CEP290: variants seen among roughly 807,000 people sequenced by gnomAD.
The protein encoded by CEP290 is centrosomal protein of 290 kDa.
A neutral mutation model predicts 344.9 loss-of-function variants in CEP290; 317 were observed. The observed-to-expected ratio is 0.92, with a 90% CI of 0.84 to 1.01. The LOEUF is 1.01. CEP290 is among the 50% of genes least tolerant of loss of function. The pLI is 0.00. For missense variants in CEP290, 2,754 were observed against 2,761.4 expected (o/e 1.00, Z 0.06); for synonymous variants, 932 against 895.8 (o/e 1.04, Z -0.72).
Position 88,092,746 on chromosome 12 carries a change from A to C in CEP290, c.3396T>G (p.Asp1132Glu). The C allele has an allele frequency of 6.2e-7, 1 of 1,610,180 alleles. No homozygotes were observed. The highest frequency in any genetic ancestry group is 1.1e-5 in the South Asian group (1 of 90,290). The change falls in exon 29 of 54, where the codon GAT (aspartate) becomes GAG (glutamate). Residue 1132 changes from aspartate to glutamate, a missense_variant. Asp to Glu is a conservative substitution (Grantham distance 45). Transcript: ENST00000552810. Reference protein sequence around the residue: ...LADSVSKAVSDADRQRILELE... With the variant: ...LADSVSKAVSEADRQRILELE... Reference sequence around the variant, plus strand: ...ATTCTAGAATCCGTTGCCTATCAGCATCACTTACTGCCTTGCTCACACTAT... The same window carrying C: ...ATTCTAGAATCCGTTGCCTATCAGCCTCACTTACTGCCTTGCTCACACTAT...
At chr12:88,081,719 C>T (rs2036213735) in intron 37 of CEP290, among the ~76,000 whole-genome samples, 1 of 151,974 alleles carries the variant, frequency 6.6e-6, no homozygotes, top group South Asian at 2.1e-4. Flanking sequence ...ACTAAAATGA[C>T]GTAAGGTACA....
At chr12:88,061,612 TTTAG>T (rs10607315) in intron 46 of CEP290, among the ~76,000 whole-genome samples, 2,864 of 152,302 alleles carry the variant, frequency 0.019, 76 homozygotes, top group African/African-American at 0.065. Context: ...CTTTTTGCAT[TTTAG>T]TTAATCATCC....
chr12:88,115,483 C>G (rs767070940), intron 18 of CEP290: 189 of 1,303,832 alleles, frequency 1.4e-4, no homozygotes, highest in Non-Finnish European at 1.8e-4. Flanking sequence ...ACTACCTGTT[C>G]TGCCTGGCTT....
At position 88,054,345 on chromosome 12, in the gene CEP290, A is replaced by ACTT; in HGVS notation, c.7028_7029insAAG (p.Val2343_Leu2344insSer). 6.2e-7 allele frequency: 1 copy of ACTT among 1,600,218 alleles called. No homozygotes were observed. Among genetic ancestry groups the ACTT allele is most frequent in the Non-Finnish European group, 8.5e-7 (1 of 1,173,572 alleles). On this transcript the variant is annotated inframe_insertion, in exon 51 of 54. Coordinates refer to ENST00000552810, the MANE Select transcript of CEP290 (RefSeq NM_025114.4). Reference sequence around the variant, plus strand: ...CATATGAATACATGATGTACCTAAGAACTTGAAGCTCCCGTTTAAGGCCTT... The same window carrying ACTT: ...CATATGAATACATGATGTACCTAAGACTTACTTGAAGCTCCCGTTTAAGGCCTT...
At chr12:88,080,044 C>T (rs78848781) in intron 38 of CEP290, 138 bp downstream of exon 38, 4 of 613,680 alleles carry the variant, frequency 6.5e-6, no homozygotes, top group South Asian at 4.9e-5. Context: ...CCTTGTTTAA[C>T]AGCATAAGAT....
intron 27 of CEP290, among the ~76,000 whole-genome samples, chr12:88,094,265 A>C (rs1228942986): frequency 6.6e-6 from 1 of 152,058 alleles, no homozygotes; most frequent in African/African-American, 2.4e-5. Context: ...TTAGTGTAGA[A>C]GTGTCACATA....
At chr12:88,060,762 G>T in intron 47 of CEP290, 68 bp downstream of exon 47, 5 of 1,201,998 alleles carry the variant, frequency 4.2e-6, no homozygotes, top group Non-Finnish European at 4.6e-6. Context: ...GAGCATATTT[G>T]AAATTTTCCT....
intron 23 of CEP290, among the ~76,000 whole-genome samples, chr12:88,108,484 C>G (rs906055751): frequency 1.3e-5 from 2 of 152,092 alleles, no homozygotes; most frequent in Non-Finnish European, 2.9e-5. Context: ...CTGGTTAGGT[C>G]AGATAATAAT....
Position 88,089,232 on chromosome 12 carries a change from C to T in CEP290, c.3829G>A (p.Ala1277Thr), listed in dbSNP as rs757556647. ...TTTTCCTGTTGTGCCAAGGGTAAAGCTCCACTAAACTGTCGTCGTAGAGAC... is the reference window on the plus strand; with the variant it reads ...TTTTCCTGTTGTGCCAAGGGTAAAGTTCCACTAAACTGTCGTCGTAGAGAC... ...IQSLRRQFSG[A>T]LPLAQQEKFS... is the part of the protein sequence containing the mutation. Residue 1277 changes from alanine to threonine, a missense_variant, in exon 31 of 54, where the codon GCT becomes ACT. Physicochemically the swap from Ala to Thr is moderately conservative, Grantham distance 58 (BLOSUM62 0). Coordinates refer to ENST00000552810, the MANE Select transcript of CEP290 (RefSeq NM_025114.4). 3 of 1,613,762 alleles carry T rather than the reference C, an allele frequency of 1.9e-6. No individual in the cohort carries two copies. The highest frequency in any genetic ancestry group is 2.5e-6 in the Non-Finnish European group (3 of 1,179,770).
At chr12:88,059,198 T>C (rs2034259515) in intron 48 of CEP290, among the ~76,000 whole-genome samples, 178 bp from the exon 49 acceptor site, 1 of 152,128 alleles carries the variant, frequency 6.6e-6, no homozygotes. Context: ...TGGCCAATAA[T>C]AATTAGAACA....
intron 32 of CEP290, among the ~76,000 whole-genome samples, chr12:88,086,817 A>G (rs1291369915): frequency 6.6e-6 from 1 of 152,224 alleles, no homozygotes; most frequent in African/African-American, 2.4e-5. Context: ...GGCAGTAAAC[A>G]AAACCAAGTC....
chr12:88,129,870 T>A lies in CEP290; in HGVS notation c.676A>T (p.Thr226Ser). 6.9e-7 allele frequency: 1 copy of A among 1,446,794 alleles called. No individual in the cohort carries two copies. Among genetic ancestry groups the A allele is most frequent in the South Asian group, 1.4e-5 (1 of 69,980 alleles). The allele number at this position is 1,446,794 out of a possible 1,614,324, so 89.6% of individuals were successfully genotyped here. A position where few individuals can be genotyped will look rare whatever the true frequency, so the allele number is the denominator to read the frequency against. Residue 226 changes from threonine to serine, a missense_variant, in exon 10 of 54, where the codon ACA becomes TCA. Transcript: ENST00000552810. ...IQYLDEIQTL[T>S]EANEKIEVQN... ...ACTTCAATTTTCTCATTAGCTTCTG[T>A]TAAAGTCTAAAAAAGTTAAAGACAC...
chr12:88,084,836 T>G lies in CEP290; in HGVS notation c.4454A>C (p.Glu1485Ala), dbSNP rs2036458518. The G allele has an allele frequency of 1.3e-6, 2 of 1,566,370 alleles. No homozygotes were observed. Among genetic ancestry groups the G allele is most frequent in the African/African-American group, 2.7e-5 (2 of 72,938 alleles). The change falls in exon 35 of 54, where the codon GAA (glutamate) becomes GCA (alanine). Residue 1485 changes from glutamate to alanine, a missense_variant. Glu to Ala is a moderately radical substitution (Grantham distance 107). Coordinates refer to ENST00000552810, the MANE Select transcript of CEP290 (RefSeq NM_025114.4). ...KSLEEKLKEK[E>A]SALRLAEQNI... The stretch of plus-strand genomic sequence containing the variant: ...TTGTTCTGCTAACCTTAAAGCAGAT[T>G]CTTTCTCTTTTAGTTTCTGCAATGA...
In CEP290 at chr12:88,103,014, A is replaced by T; in HGVS notation, c.2818-3T>A. 1 of 1,530,152 alleles carries T rather than the reference A, an allele frequency of 6.5e-7. No individual in the cohort carries two copies. The highest frequency in any genetic ancestry group is 8.7e-7 in the Non-Finnish European group (1 of 1,146,100). The allele number at this position is 1,530,152 out of a possible 1,614,324, so 94.8% of individuals were successfully genotyped here. ...GCAATCTTGAAAATGGCCATTTCCT[A>T]TGTAAATAAAGATACACTGAGTTAT... On this transcript the variant is annotated splice_polypyrimidine_tract_variant and splice_region_variant and intron_variant, in intron 25 of 53. Coordinates refer to ENST00000552810, the MANE Select transcript of CEP290 (RefSeq NM_025114.4).
rs2039736628 is a variant in CEP290 at position 88,126,467 on chromosome 12, T to C, written c.943-29A>G. On this transcript the variant is annotated intron_variant, in intron 11 of 53. Transcript: ENST00000552810. ...GAAATAAACACAATAGAATCTGTTA[T>C]GCAAAAGGAAAGTTAATAAAACATT... 4 of 1,417,624 alleles carry C rather than the reference T, an allele frequency of 2.8e-6. No homozygotes were observed. The South Asian group carries it at 4.5e-5, about 16-fold the overall frequency. 87.8% of individuals were successfully genotyped at this position (1,417,624 alleles called of 1,614,324 possible). A position where few individuals can be genotyped will look rare whatever the true frequency, so the allele number is the denominator to read the frequency against.
chr12:88,094,438 T>C (rs972021676), intron 27 of CEP290, among the ~76,000 whole-genome samples: 5 of 152,162 alleles, frequency 3.3e-5, no homozygotes, highest in African/African-American at 1.2e-4. Flanking sequence ...AGCCATATGA[T>C]GGATAGATTC....
intron 20 of CEP290, among the ~76,000 whole-genome samples, chr12:88,113,174 A>G (rs1004782812): frequency 2.6e-5 from 4 of 152,280 alleles, no homozygotes; most frequent in Admixed American, 2.6e-4. Context: ...GAGATTGTCA[A>G]CATAAATAGA....
chr12:88,080,896 TAAC>T (rs1160035298), intron 37 of CEP290, among the ~76,000 whole-genome samples: 3 of 152,200 alleles, frequency 2.0e-5, no homozygotes, highest in Non-Finnish European at 4.4e-5. Context: ...CTCTTAGACT[TAAC>T]AACACATTTT....
chr12:88,053,769 T>TA lies in CEP290; in HGVS notation c.7035-24dup, dbSNP rs748170262. 11 of 1,236,710 alleles carry TA rather than the reference T, an allele frequency of 8.9e-6. No individual in the cohort carries two copies. In the African/African-American group the frequency reaches 1.4e-4, roughly 15 times the overall value. The allele number at this position is 1,236,710 out of a possible 1,614,324, so 76.6% of individuals were successfully genotyped here. On this transcript the variant is annotated intron_variant, in intron 51 of 53. Transcript: ENST00000552810. ...AATCTAGAACACAATGATAATGTGT[T>TA]AAAAAAATAAAGCAGATATTGCTTC...
Sources: allele counts gnomAD v4.1 joint callset (sites outside exome capture counted in the v4.1 genomes callset), GRCh38; gene constraint gnomAD v4.1.1; transcripts MANE v1.5; gene names NCBI Gene and HGNC (gene_info 2026-07-23, HGNC 2026-07-21).